HMGN5: variants seen among roughly 807,000 people sequenced by gnomAD.
The protein encoded by HMGN5 is high mobility group nucleosome-binding domain-containing protein 5.
HMGN5 carries 4 observed loss-of-function variants against 9.5 expected under a neutral mutation model. The ratio of observed to expected loss-of-function variants is 0.42; its 90% confidence interval spans 0.21 to 0.96. HMGN5 has a LOEUF of 0.96. HMGN5 is among the 40% of genes least tolerant of loss of function. The pLI, the probability that HMGN5 is intolerant of heterozygous loss-of-function variation, is 0.30. For missense variants in HMGN5, 192 were observed against 187.5 expected, an observed-to-expected ratio of 1.02 and a Z score of -0.14; for synonymous variants, 55 against 57.1, an observed-to-expected ratio of 0.96 and a Z score of 0.16.
At chrX:81,146,924 T>C (rs1213725022) in intron 1 of HMGN5, among the ~76,000 whole-genome samples, 1 of 111,541 alleles carries the variant, frequency 9.0e-6, no homozygotes, top group Non-Finnish European at 1.9e-5. Flanking sequence ...CCAGGACACA[T>C]ACACCCTCCC....
chrX:81,148,359 T>A lies in HMGN5; in HGVS notation c.-123-26687A>T, dbSNP rs142867151. Among the ~76,000 whole-genome samples, 1,082 of 111,736 alleles carry A rather than the reference T, an allele frequency of 9.7e-3. 9 individuals carry two copies. The highest frequency in any genetic ancestry group is 0.027 in the Middle Eastern group (6 of 219). On this transcript the variant is annotated intron_variant, in intron 1 of 6. Coordinates refer to ENST00000358130, the MANE Select transcript of HMGN5 (RefSeq NM_030763.3). ...ACAACCATCTGATCTTTGACAAACA[T>A]GACAAAAACAAGCAATTGGGAAAGG...
chrX:81,155,782 T>G (rs1181785415), intron 1 of HMGN5, among the ~76,000 whole-genome samples: 2 of 111,952 alleles, frequency 1.8e-5, no homozygotes, highest in Admixed American at 1.9e-4. Flanking sequence ...GGGCAGTAGT[T>G]AGAAAAACAC....
chrX:81,174,467 AT>A (rs751256729), intron 1 of HMGN5, among the ~76,000 whole-genome samples: 2 of 111,533 alleles, frequency 1.8e-5, no homozygotes, highest in African/African-American at 3.2e-5. Flanking sequence ...TTCAGTAAAT[AT>A]TTTTTGAGCA....
In HMGN5 at chrX:81,201,835, C is replaced by T. The variant is rs1238140466; in HGVS notation, c.-222G>A. 1 of 205,462 alleles carries T rather than the reference C, an allele frequency of 4.9e-6. No individual in the cohort carries two copies. The highest frequency in any genetic ancestry group is 3.0e-5 in the African/African-American group (1 of 32,803). 16.9% of individuals were successfully genotyped at this position (205,462 alleles called of 1,213,427 possible). ...TCTCCGCGTGAAAAGGTCCTTCATG[C>T]TAATCTAATTCAATTCAGTTCTCCT... On this transcript the variant is annotated 5_prime_UTR_variant, in exon 1 of 7. Transcript: ENST00000358130.
intron 1 of HMGN5, among the ~76,000 whole-genome samples, chrX:81,179,541 T>G (rs1179769742): frequency 1.8e-5 from 2 of 110,851 alleles, no homozygotes; most frequent in African/African-American, 3.3e-5. Flanking sequence ...CACTGCTCAA[T>G]GAAATAAAAG....
chrX:81,147,084 T>C (rs1466094296), intron 1 of HMGN5, among the ~76,000 whole-genome samples: 16 of 111,773 alleles, frequency 1.4e-4, no homozygotes, highest in Non-Finnish European at 1.7e-4. Context: ...GAGGAGCTGG[T>C]ACCATTCCTT....
Position 81,114,370 on chromosome X carries a change from T to G in HMGN5, c.*279A>C. ...CATGTATAAAAGAGTAAAATTAAAA[T>G]TCAAAGATTTGACATATAACTTACA... On this transcript the variant is annotated 3_prime_UTR_variant, in exon 7 of 7. Transcript: ENST00000358130. 3 of 192,085 alleles carry G rather than the reference T, an allele frequency of 1.6e-5. No homozygotes were observed. The allele number at this position is 192,085 out of a possible 1,213,427, so 15.8% of individuals were successfully genotyped here.
chrX:81,176,243 CA>C (rs1484906054), intron 1 of HMGN5, among the ~76,000 whole-genome samples: 1 of 110,357 alleles, frequency 9.1e-6, no homozygotes, highest in Non-Finnish European at 1.9e-5. Flanking sequence ...TCAACATGAA[CA>C]AAAAGGACAT....
At chrX:81,190,159 TTTTGTTA>T (rs1217038997) in intron 1 of HMGN5, among the ~76,000 whole-genome samples, 5 of 111,882 alleles carry the variant, frequency 4.5e-5, no homozygotes. Context: ...ATTTTGTATA[TTTTGTTA>T]TTTGTATATT....
intron 1 of HMGN5, among the ~76,000 whole-genome samples, chrX:81,127,339 G>A (rs959004390): frequency 9.0e-6 from 1 of 111,498 alleles, no homozygotes; most frequent in African/African-American, 3.3e-5. Flanking sequence ...TCAGTTTTCG[G>A]TGTAGTCCAA....
intron 1 of HMGN5, chrX:81,197,884 C>T (rs1447882681): frequency 1.8e-5 from 2 of 110,457 alleles, no homozygotes; most frequent in Non-Finnish European, 3.8e-5. Flanking sequence ...AGCAGTAGCC[C>T]TGATGTTGGC....
rs867801041 is a variant in HMGN5 at position 81,170,072 on chromosome X, A to G, written c.-124+31665T>C. Among the ~76,000 whole-genome samples, 307 of 107,830 alleles carry G rather than the reference A, an allele frequency of 2.8e-3. 2 individuals are homozygous for G. The highest frequency in any genetic ancestry group is 9.9e-3 in the African/African-American group (294 of 29,560). 93.6% of individuals were successfully genotyped at this position (107,830 alleles called of 115,157 possible). ...CCGTCTCAAAAAAAAAAAAAAAAAAAACCATGGAGGAGTACCACCAGCAGC... is the reference window on the plus strand; with the variant it reads ...CCGTCTCAAAAAAAAAAAAAAAAAAGACCATGGAGGAGTACCACCAGCAGC... On this transcript the variant is annotated intron_variant, in intron 1 of 6. Coordinates refer to ENST00000358130, the MANE Select transcript of HMGN5 (RefSeq NM_030763.3).
At chrX:81,154,737 C>T (rs1376310471) in intron 1 of HMGN5, among the ~76,000 whole-genome samples, 2 of 110,608 alleles carry the variant, frequency 1.8e-5, no homozygotes, top group Non-Finnish European at 3.8e-5. Context: ...CAAAAGGAGA[C>T]GTACAAATGG....
At chrX:81,154,142 C>T (rs1047694729) in intron 1 of HMGN5, among the ~76,000 whole-genome samples, 1 of 111,040 alleles carries the variant, frequency 9.0e-6, no homozygotes, top group Non-Finnish European at 1.9e-5. Context: ...ATCAAAACAA[C>T]ATGGTACTGG....
At chrX:81,134,134 C>T (rs768067126) in intron 1 of HMGN5, among the ~76,000 whole-genome samples, 1 of 111,232 alleles carries the variant, frequency 9.0e-6, no homozygotes, top group African/African-American at 3.2e-5. Context: ...ATGAATATTA[C>T]AAAACTTTTC....
intron 1 of HMGN5, 165 bp from the exon 2 acceptor site, chrX:81,121,837 C>G (rs1001354325): frequency 1.1e-5 from 3 of 281,309 alleles, no homozygotes; most frequent in Non-Finnish European, 1.9e-5. Flanking sequence ...CGAACTTGCC[C>G]GAAGCCCTCG....
At chrX:81,198,637 T>G (rs942865428) in intron 1 of HMGN5, among the ~76,000 whole-genome samples, 4 of 111,907 alleles carry the variant, frequency 3.6e-5, no homozygotes, top group African/African-American at 1.3e-4. Context: ...CACACGATTA[T>G]CTCAATAGAT....
chrX:81,175,379 TATC>T (rs2075438672), intron 1 of HMGN5, among the ~76,000 whole-genome samples: 1 of 111,140 alleles, frequency 9.0e-6, no homozygotes, highest in African/African-American at 3.3e-5. Context: ...GTGTATTACT[TATC>T]ATTATTCTAG....
intron 1 of HMGN5, among the ~76,000 whole-genome samples, chrX:81,150,419 G>A (rs1383402279): frequency 9.1e-6 from 1 of 110,431 alleles, no homozygotes; most frequent in Non-Finnish European, 1.9e-5. Flanking sequence ...CAAAAAATTA[G>A]CTGGGCATGG....
Sources: gnomAD v4.1 joint callset for allele counts (sites outside exome capture counted in the v4.1 genomes callset) on GRCh38, gnomAD v4.1.1 for gene constraint, MANE v1.5 for transcripts, NCBI Gene and HGNC (gene_info 2026-07-23, HGNC 2026-07-21) for gene names.